PHF21B: variants seen among roughly 807,000 people sequenced by gnomAD.
PHF21B encodes the protein PHD finger protein 21B.
Under a neutral mutation model 62.2 loss-of-function variants are expected in PHF21B, and 22 were observed. The observed-to-expected ratio is 0.35, with a 90% CI of 0.25 to 0.51. PHF21B has a LOEUF of 0.51. Among genes scored for constraint, PHF21B ranks in the 20% least tolerant of loss-of-function variants. The probability of loss-of-function intolerance (pLI) is 0.97; values close to 1 mark genes in which losing one functional copy is unlikely to be tolerated. For synonymous variants in PHF21B, 341 were observed against 314.7 expected (o/e 1.08, Z -0.88); for missense variants, 701 against 707.9 (o/e 0.99, Z 0.11).
intron 2 of PHF21B, among the ~76,000 whole-genome samples, chr22:44,952,484 G>C (rs1351686924): frequency 6.6e-6 from 1 of 152,200 alleles, no homozygotes; most frequent in Admixed American, 6.5e-5. Context: ...TCTATCCTGG[G>C]GGTGGAGGGA....
Position 44,881,331 on chromosome 22 carries a change from C to T in PHF21B, c.*1755G>A, listed in dbSNP as rs2070739122. 1.3e-5 allele frequency: 2 copies of T among 152,648 alleles called. No individual in the cohort carries two copies. The highest frequency in any genetic ancestry group is 4.8e-5 in the African/African-American group (2 of 41,440). The allele number at this position is 152,648 out of a possible 1,614,324, so 9.5% of individuals were successfully genotyped here. A position where few individuals can be genotyped will look rare whatever the true frequency, so the allele number is the denominator to read the frequency against. On this transcript the variant is annotated 3_prime_UTR_variant, in exon 13 of 13. Coordinates refer to ENST00000313237, the MANE Select transcript of PHF21B (RefSeq NM_138415.5). ...CGGCAGCTACCCCTCCCGGGTCCAA[C>T]CTTTCAGATCCTCCCATTACACTGT...
At chr22:45,006,498 A>G (rs1222547257) in intron 2 of PHF21B, among the ~76,000 whole-genome samples, 1 of 152,192 alleles carries the variant, frequency 6.6e-6, no homozygotes, top group African/African-American at 2.4e-5. Context: ...GCAACCTTCA[A>G]ACAGGATTTT....
intron 2 of PHF21B, among the ~76,000 whole-genome samples, chr22:44,959,985 A>C (rs2072384703): frequency 6.6e-6 from 1 of 152,186 alleles, no homozygotes; most frequent in South Asian, 2.1e-4. Flanking sequence ...GCCAGTCTCC[A>C]CCCCAGAGAG....
At chr22:44,893,407 C>A in intron 7 of PHF21B, 50 bp downstream of exon 7, 1 of 1,530,884 alleles carries the variant, frequency 6.5e-7, no homozygotes, top group Non-Finnish European at 8.9e-7. Context: ...GGAGGCTGTG[C>A]ACTGGGAGCC....
intron 2 of PHF21B, among the ~76,000 whole-genome samples, chr22:44,984,402 G>T (rs1409461189): frequency 6.6e-6 from 1 of 152,106 alleles, no homozygotes; most frequent in Admixed American, 6.5e-5. Flanking sequence ...CAGAGCCTTG[G>T]TTCTCAAACT....
chr22:44,887,838 T>C (rs1214530239), intron 10 of PHF21B, 125 bp downstream of exon 10: 23 of 1,013,818 alleles, frequency 2.3e-5, no homozygotes, highest in African/African-American at 1.7e-5. Flanking sequence ...ATGTCAATTG[T>C]GCTGAGGTTG....
intron 2 of PHF21B, among the ~76,000 whole-genome samples, chr22:44,936,839 A>T (rs2071857654): frequency 2.6e-5 from 4 of 151,312 alleles, no homozygotes; most frequent in Admixed American, 2.6e-4. Context: ...CTTGTAATTT[A>T]AGACAAAAGT....
At chr22:44,941,264 C>T (rs1383667621) in intron 2 of PHF21B, among the ~76,000 whole-genome samples, 1 of 152,174 alleles carries the variant, frequency 6.6e-6, no homozygotes, top group Non-Finnish European at 1.5e-5. Flanking sequence ...TCCAGAGGTC[C>T]ACGCAGTGCT....
At chr22:44,916,964 G>A (rs548593482) in intron 3 of PHF21B, among the ~76,000 whole-genome samples, 74 of 152,382 alleles carry the variant, frequency 4.9e-4, no homozygotes, top group African/African-American at 1.6e-3. Context: ...ACGCCCTGCA[G>A]ATCAAGTCCC....
intron 2 of PHF21B, among the ~76,000 whole-genome samples, chr22:44,955,716 G>T (rs538437167): frequency 1.3e-5 from 2 of 152,134 alleles, no homozygotes; most frequent in Non-Finnish European, 2.9e-5. Context: ...CAGCACCGGC[G>T]TTCCAGAGTC....
At chr22:44,966,347 T>C (rs1401718899) in intron 2 of PHF21B, among the ~76,000 whole-genome samples, 1 of 152,226 alleles carries the variant, frequency 6.6e-6, no homozygotes, top group Non-Finnish European at 1.5e-5. Context: ...TGCAGGCACT[T>C]GCCCAAGGTC....
rs746738032 is a variant in PHF21B at position 44,885,947 on chromosome 22, C to A, written c.1198-9G>T. The A allele has an allele frequency of 1.9e-6, 3 of 1,613,440 alleles. No individual in the cohort carries two copies. The highest frequency in any genetic ancestry group is 2.5e-6 in the Non-Finnish European group (3 of 1,179,742). ...TCGTCTTTCTTTAAGGCCTGGGGAG[C>A]AGACGGGGAGATGAAAAAGTGGACA... is the stretch of plus-strand genomic sequence containing the variant. On this transcript the variant is annotated splice_polypyrimidine_tract_variant and intron_variant, in intron 10 of 12. Transcript: ENST00000313237.
At chr22:44,957,682 G>C (rs2072329166) in intron 2 of PHF21B, among the ~76,000 whole-genome samples, 1 of 152,154 alleles carries the variant, frequency 6.6e-6, no homozygotes, top group Non-Finnish European at 1.5e-5. Flanking sequence ...CCAGGCATCA[G>C]TTCCCTGTTG....
intron 2 of PHF21B, among the ~76,000 whole-genome samples, chr22:44,996,896 AC>A (rs2073132178): frequency 6.6e-6 from 1 of 151,968 alleles, no homozygotes; most frequent in African/African-American, 2.4e-5. Context: ...GCATACACAA[AC>A]GTGTGCACAC....
chr22:45,003,128 T>C (rs192777832), intron 2 of PHF21B: 33 of 152,402 alleles, frequency 2.2e-4, no homozygotes, highest in Admixed American at 1.6e-3. Context: ...CTCATTCATC[T>C]CTGGGTCCAC....
In PHF21B at chr22:45,009,094, A is replaced by C; in HGVS notation, c.54+402T>G. 3.0e-6 allele frequency: 3 copies of C among 1,011,874 alleles called. No individual in the cohort carries two copies. Among genetic ancestry groups the C allele is most frequent in the Non-Finnish European group, 2.5e-6 (2 of 813,528 alleles). 62.7% of individuals were successfully genotyped at this position (1,011,874 alleles called of 1,614,324 possible). ...GCCGCTCGCCAGCAGCGATCGCCAA[A>C]ACTACTTCTGCACACCGGGCAGGTT... is the stretch of plus-strand genomic sequence containing the variant. On this transcript the variant is annotated intron_variant, in intron 1 of 12. Transcript: ENST00000313237. This position sits in a 1 kb window ranked among gnomAD's most constrained non-coding sequence, Gnocchi z 5.9.
At chr22:44,922,257 A>G (rs1306291930) in intron 2 of PHF21B, among the ~76,000 whole-genome samples, 1 of 152,270 alleles carries the variant, frequency 6.6e-6, no homozygotes, top group Non-Finnish European at 1.5e-5. Flanking sequence ...GAAAAACCGT[A>G]TGCCGGCCTC....
At position 44,893,497 on chromosome 22, in the gene PHF21B, C is replaced by T. The variant is rs766913614; in HGVS notation, c.920G>A (p.Ser307Asn). ...QSKRQERKRR[S>N]TANPAYSGLL... ...GCCGCTGTAGGCAGGGTTGGCTGTGCTTCTTCTCTTCCGCTCCTGTCGCTT... is the reference window on the plus strand; with the variant it reads ...GCCGCTGTAGGCAGGGTTGGCTGTGTTTCTTCTCTTCCGCTCCTGTCGCTT... The change falls in exon 7 of 13, where the codon AGC becomes AAC. Residue 307 changes from serine (S) to asparagine (N), a missense_variant. Ser to Asn is a conservative substitution (Grantham distance 46, BLOSUM62 1). Coordinates refer to ENST00000313237, the MANE Select transcript of PHF21B (RefSeq NM_138415.5). 1.9e-6 allele frequency: 3 copies of T among 1,604,312 alleles called. No individual in the cohort carries two copies. The East Asian group carries it at 6.7e-5, about 36-fold the overall frequency.
At chr22:45,007,375 A>G (rs2073336327) in intron 2 of PHF21B, among the ~76,000 whole-genome samples, 1 of 148,794 alleles carries the variant, frequency 6.7e-6, no homozygotes, top group African/African-American at 2.5e-5. Context: ...ACGCCAGAAA[A>G]TCCCCCGGGG....
Sources: allele counts gnomAD v4.1 joint callset (sites outside exome capture counted in the v4.1 genomes callset), GRCh38; gene constraint gnomAD v4.1.1; non-coding constraint Gnocchi (gnomAD v3.1); transcripts MANE v1.5; gene names NCBI Gene and HGNC (gene_info 2026-07-23, HGNC 2026-07-21).